Variants in OR4M1 observed in about 807,000 individuals in gnomAD.
OR4M1 encodes olfactory receptor family 4 subfamily M member 1, also known as olfactory receptor 4M1.
A neutral mutation model predicts 9.8 loss-of-function variants in OR4M1; 7 were observed. That is an observed-to-expected ratio of 0.71 (90% CI 0.41 to 1.34). OR4M1 has a LOEUF of 1.34. OR4M1 is among the 40% of genes most tolerant of loss of function. The probability of loss-of-function intolerance (pLI) is 0.01; values close to 1 mark genes in which losing one functional copy is unlikely to be tolerated. For synonymous variants in OR4M1, 121 were observed against 139.8 expected, an observed-to-expected ratio of 0.87 and a Z score of 0.95; for missense variants, 331 against 380.4, an observed-to-expected ratio of 0.87 and a Z score of 1.08.
In OR4M1 at chr14:19,780,407, G is replaced by C. The variant is rs1004702968; in HGVS notation, c.85G>C (p.Val29Leu). ...QTREVQLVLF[V>L]IFLSFYLFIL... is the part of the protein sequence containing the mutation. ...TCGGGAGGTCCAACTAGTCCTATTT[G>C]TTATATTTCTATCCTTCTATTTGTT... Residue 29 changes from valine to leucine, a missense_variant, in exon 2 of 2, where the codon GTT (valine) becomes CTT (leucine). Val to Leu is a conservative substitution (Grantham distance 32, BLOSUM62 1). Around this residue, in one of 2 missense-constraint regions of OR4M1, gnomAD observed 209 missense variants for 200.0 expected, o/e 1.04. Transcript: ENST00000641200. 1 of 1,614,052 alleles carries C rather than the reference G, an allele frequency of 6.2e-7. No individual in the cohort carries two copies. Among genetic ancestry groups the C allele is most frequent in the African/African-American group, 1.3e-5 (1 of 74,938 alleles).
In OR4M1 at chr14:19,780,218, T is replaced by C. The variant is rs970924651; in HGVS notation, c.-29-76T>C. On this transcript the variant is annotated intron_variant, in intron 1 of 1. Coordinates refer to ENST00000641200, the MANE Select transcript of OR4M1 (RefSeq NM_001005500.2). ...TAATCTGTTAGTGACAGAAAACGTA[T>C]GACAATTTTGAAAGCAGTGATATAA... The C allele has an allele frequency of 7.9e-6, 10 of 1,265,502 alleles. No individual in the cohort carries two copies. In the Admixed American group the frequency reaches 1.7e-4, roughly 22 times the overall value. 78.4% of individuals were successfully genotyped at this position (1,265,502 alleles called of 1,614,324 possible).
At chr14:19,777,470 T>C (rs1422106685) in intron 1 of OR4M1, among the ~76,000 whole-genome samples, 3 of 152,172 alleles carry the variant, frequency 2.0e-5, no homozygotes, top group Non-Finnish European at 4.4e-5. Context: ...CCTGCTTGTC[T>C]TTTAGAACCA....
intron 1 of OR4M1, among the ~76,000 whole-genome samples, chr14:19,775,964 A>G (rs1878298577): frequency 1.3e-5 from 2 of 151,986 alleles, no homozygotes; most frequent in African/African-American, 4.8e-5. Flanking sequence ...TAATAACTAC[A>G]TCATGATATT....
chr14:19,774,282 G>A (rs774700296), intron 1 of OR4M1, among the ~76,000 whole-genome samples: 1 of 152,064 alleles, frequency 6.6e-6, no homozygotes, highest in African/African-American at 2.4e-5. Context: ...AAGACTAAAT[G>A]AATTAATAAA....
At chr14:19,777,426 C>A (rs531329614) in intron 1 of OR4M1, among the ~76,000 whole-genome samples, 102 of 152,184 alleles carry the variant, frequency 6.7e-4, no homozygotes, top group South Asian at 1.5e-3. Flanking sequence ...CCACACCCAT[C>A]ATCATTTACT....
intron 1 of OR4M1, among the ~76,000 whole-genome samples, chr14:19,778,197 T>C (rs1443956807): frequency 2.0e-5 from 3 of 152,254 alleles, no homozygotes; most frequent in Non-Finnish European, 2.9e-5. Flanking sequence ...CACTTTTTTC[T>C]GGTAAAATCA....
rs1878562874 is a variant in OR4M1, at chr14:19,783,449, G to A, written c.*2185G>A. ...GTGCCGAGAATGAAGAACTCCATCAGGTTGAGAAACTCTGACTTAAATAAT... is the reference window on the plus strand; with the variant it reads ...GTGCCGAGAATGAAGAACTCCATCAAGTTGAGAAACTCTGACTTAAATAAT... On this transcript the variant is annotated 3_prime_UTR_variant, in exon 2 of 2. Transcript: ENST00000641200. 2 of 152,568 alleles carry A rather than the reference G, an allele frequency of 1.3e-5. No homozygotes were observed. Among genetic ancestry groups the A allele is most frequent in the African/African-American group, 4.8e-5 (2 of 41,466 alleles). The allele number at this position is 152,568 out of a possible 1,614,324, so 9.5% of individuals were successfully genotyped here. A position where few individuals can be genotyped will look rare whatever the true frequency, so the allele number is the denominator to read the frequency against.
rs1189845507 is a variant in OR4M1 at position 19,782,329 on chromosome 14, C to T, written c.*1065C>T. Reference sequence around the variant, plus strand: ...TCTGAATGTAAGAGGTAGATTAGAACATTTGATTTTATAGGTTATGTTTTT... The same window carrying T: ...TCTGAATGTAAGAGGTAGATTAGAATATTTGATTTTATAGGTTATGTTTTT... On this transcript the variant is annotated 3_prime_UTR_variant, in exon 2 of 2. Coordinates refer to ENST00000641200, the MANE Select transcript of OR4M1 (RefSeq NM_001005500.2). 1 of 152,150 alleles carries T rather than the reference C, an allele frequency of 6.6e-6. No individual in the cohort carries two copies. Among genetic ancestry groups the T allele is most frequent in the Admixed American group, 6.5e-5 (1 of 15,270 alleles). The allele number at this position is 152,150 out of a possible 1,614,324, so 9.4% of individuals were successfully genotyped here.
rs759987552 is a variant in OR4M1, at chr14:19,780,806, C to G, written c.484C>G (p.Leu162Val). The change falls in exon 2 of 2, where the codon CTC becomes GTC. Residue 162 changes from leucine (L) to valine (V), a missense_variant. By Grantham distance (32) the Leu-to-Val change is conservative. Transcript: ENST00000641200. ...GFIHSIIQVA[L>V]IVRLPFCGPN... ...CATTCATTCTATAATACAGGTGGCT[C>G]TCATTGTTCGACTTCCTTTCTGTGG... 1.1e-5 allele frequency: 17 copies of G among 1,614,070 alleles called. No individual in the cohort carries two copies. The highest frequency in any genetic ancestry group is 1.4e-5 in the Non-Finnish European group (16 of 1,180,038).
rs1330934695 is a variant in OR4M1 at position 19,781,698 on chromosome 14, T to C, written c.*434T>C. 5.7e-5 allele frequency: 10 copies of C among 174,800 alleles called. No individual in the cohort carries two copies. Among genetic ancestry groups the C allele is most frequent in the Non-Finnish European group, 9.7e-5 (8 of 82,330 alleles). 10.8% of individuals were successfully genotyped at this position (174,800 alleles called of 1,614,324 possible). A position where few individuals can be genotyped will look rare whatever the true frequency, so the allele number is the denominator to read the frequency against. On this transcript the variant is annotated 3_prime_UTR_variant, in exon 2 of 2. Transcript: ENST00000641200. ...AATAAATATTGTCAAGTTTCAGTGT[T>C]GGCTCAGTGGAATGGTATCTGGTAA... is the stretch of plus-strand genomic sequence containing the variant.
chr14:19,773,589 A>G lies in OR4M1; in HGVS notation c.-34A>G, dbSNP rs1878229083. Reference sequence around the variant, plus strand: ...CTGAAGGCACCAAGACTGTCACAGTAATTGGTAGGTGGAAAGTTGTTATAA... The same window carrying G: ...CTGAAGGCACCAAGACTGTCACAGTGATTGGTAGGTGGAAAGTTGTTATAA... On this transcript the variant is annotated 5_prime_UTR_variant, in exon 1 of 2. Transcript: ENST00000641200. 6.6e-6 allele frequency: 1 copy of G among 152,324 alleles called. No individual in the cohort carries two copies. The allele number at this position is 152,324 out of a possible 1,614,324, so 9.4% of individuals were successfully genotyped here. A position where few individuals can be genotyped will look rare whatever the true frequency, so the allele number is the denominator to read the frequency against.
chr14:19,780,633 T>C lies in OR4M1; in HGVS notation c.311T>C (p.Leu104Ser). 6.2e-7 allele frequency: 1 copy of C among 1,614,244 alleles called. No individual in the cohort carries two copies. Among genetic ancestry groups the C allele is most frequent in the Non-Finnish European group, 8.5e-7 (1 of 1,180,036 alleles). The change falls in exon 2 of 2, where the codon TTA becomes TCA. Residue 104 changes from leucine (L) to serine (S), a missense_variant. Leu to Ser is a moderately radical substitution (Grantham distance 145). Coordinates refer to ENST00000641200, the MANE Select transcript of OR4M1 (RefSeq NM_001005500.2). ...GGATGCATTGCACAGCTCTTCTTCTTACACTTTGTTGGGGCTTCGGAGATG... is the reference window on the plus strand; with the variant it reads ...GGATGCATTGCACAGCTCTTCTTCTCACACTTTGTTGGGGCTTCGGAGATG... ...FGGCIAQLFF[L>S]HFVGASEMFL... is the part of the protein sequence containing the mutation.
At chr14:19,779,323 C>A (rs1455857245) in intron 1 of OR4M1, among the ~76,000 whole-genome samples, 1 of 152,130 alleles carries the variant, frequency 6.6e-6, no homozygotes, top group Non-Finnish European at 1.5e-5. Flanking sequence ...AGAAAAGAAA[C>A]AACTCTCTTG....
chr14:19,778,112 C>T (rs1408541247), intron 1 of OR4M1, among the ~76,000 whole-genome samples: 3 of 152,176 alleles, frequency 2.0e-5, no homozygotes, highest in Admixed American at 6.5e-5. Context: ...GTTCTTAATG[C>T]AAAGTATATA....
rs1242616349 is a variant in OR4M1, at chr14:19,781,568, T to C, written c.*304T>C. 12 of 316,578 alleles carry C rather than the reference T, an allele frequency of 3.8e-5. No homozygotes were observed. The highest frequency in any genetic ancestry group is 5.8e-5 in the Non-Finnish European group (10 of 172,670). 19.6% of individuals were successfully genotyped at this position (316,578 alleles called of 1,614,324 possible). Reference sequence around the variant, plus strand: ...GTAACTACTCTGCAGAGGCTCTGGCTTTGAGGGGAACATGTTGATAAAAAT... The same window carrying C: ...GTAACTACTCTGCAGAGGCTCTGGCCTTGAGGGGAACATGTTGATAAAAAT... On this transcript the variant is annotated 3_prime_UTR_variant, in exon 2 of 2. Coordinates refer to ENST00000641200, the MANE Select transcript of OR4M1 (RefSeq NM_001005500.2).
chr14:19,775,592 TA>T (rs1878287447), intron 1 of OR4M1, among the ~76,000 whole-genome samples: 1 of 147,250 alleles, frequency 6.8e-6, no homozygotes, highest in African/African-American at 2.5e-5. Flanking sequence ...TGTAAATATA[TA>T]ATTATAATAT....
chr14:19,782,989 G>A lies in OR4M1; in HGVS notation c.*1725G>A, dbSNP rs1331884244. On this transcript the variant is annotated 3_prime_UTR_variant, in exon 2 of 2. Transcript: ENST00000641200. ...ACTTATCTTTCATCAAACTAGGGCT[G>A]ATGTTCTTTGGAAAGGGACCACTGA... is the stretch of plus-strand genomic sequence containing the variant. 1 of 152,234 alleles carries A rather than the reference G, an allele frequency of 6.6e-6. No homozygotes were observed. The highest frequency in any genetic ancestry group is 1.5e-5 in the Non-Finnish European group (1 of 68,046). 9.4% of individuals were successfully genotyped at this position (152,234 alleles called of 1,614,324 possible). A position where few individuals can be genotyped will look rare whatever the true frequency, so the allele number is the denominator to read the frequency against.
chr14:19,781,399 A>T lies in OR4M1; in HGVS notation c.*135A>T, dbSNP rs1279053171. 8 of 849,608 alleles carry T rather than the reference A, an allele frequency of 9.4e-6. No individual in the cohort carries two copies. In the East Asian group the frequency reaches 1.6e-4, roughly 17 times the overall value. The allele number at this position is 849,608 out of a possible 1,614,324, so 52.6% of individuals were successfully genotyped here. A position where few individuals can be genotyped will look rare whatever the true frequency, so the allele number is the denominator to read the frequency against. Reference sequence around the variant, plus strand: ...ATTTTACTATAATTTTTCTCTATTAATTCCTCTTTATATTGAAAAAATAGA... The same window carrying T: ...ATTTTACTATAATTTTTCTCTATTATTTCCTCTTTATATTGAAAAAATAGA... On this transcript the variant is annotated 3_prime_UTR_variant, in exon 2 of 2. Transcript: ENST00000641200.
In OR4M1 at chr14:19,780,687, G is replaced by A. The variant is rs143164519; in HGVS notation, c.365G>A (p.Arg122His). The change falls in exon 2 of 2, where the codon CGC (arginine) becomes CAC (histidine). Residue 122 changes from arginine to histidine, a missense_variant. By Grantham distance (29) the Arg-to-His change is conservative. Coordinates refer to ENST00000641200, the MANE Select transcript of OR4M1 (RefSeq NM_001005500.2). Reference protein sequence around the residue: ...MFLLTVMAYDRYAAICRPLHY... With the variant: ...MFLLTVMAYDHYAAICRPLHY... ...TTGCTCACAGTGATGGCCTATGACCGCTATGCTGCTATCTGCCGACCCCTC... is the reference window on the plus strand; with the variant it reads ...TTGCTCACAGTGATGGCCTATGACCACTATGCTGCTATCTGCCGACCCCTC... The A allele has an allele frequency of 3.4e-4, 542 of 1,614,068 alleles. 1 individual carries two copies. In the South Asian group the frequency reaches 4.0e-3, roughly 12 times the overall value.
Sources: allele counts gnomAD v4.1 joint callset (sites outside exome capture counted in the v4.1 genomes callset), GRCh38; gene constraint gnomAD v4.1.1; regional missense constraint gnomAD v4.1.1; transcripts MANE v1.5; gene names NCBI Gene and HGNC (gene_info 2026-07-23, HGNC 2026-07-21).